Variants in FOXN1 observed in about 807,000 individuals in gnomAD.
FOXN1 encodes the protein forkhead box protein N1.
Under a neutral mutation model 49.0 loss-of-function variants are expected in FOXN1, and 15 were observed. The ratio of observed to expected loss-of-function variants is 0.31; its 90% CI spans 0.20 to 0.47. FOXN1 has a LOEUF of 0.47. Ranked by LOEUF, FOXN1 falls within the 20% of genes least tolerant of loss-of-function variation. The pLI is 1.00. For missense variants in FOXN1, 800 were observed against 842.8 expected, an observed-to-expected ratio of 0.95 and a Z score of 0.63; for synonymous variants, 356 against 369.0, an observed-to-expected ratio of 0.96 and a Z score of 0.40.
At chr17:28,529,336 A>C in intron 5 of FOXN1, 112 bp downstream of exon 5, 1 of 1,329,720 alleles carries the variant, frequency 7.5e-7, no homozygotes. Context: ...GGTGGAAATC[A>C]TACCAGTGGG....
chr17:28,519,954 C>A (rs781709827), intron 1 of FOXN1, among the ~76,000 whole-genome samples: 16 of 151,952 alleles, frequency 1.1e-4, no homozygotes, highest in Non-Finnish European at 1.9e-4. Flanking sequence ...ATAACTCAGG[C>A]CTTAAACAAA....
Position 28,537,189 on chromosome 17 carries a change from C to T in FOXN1, c.1700C>T (p.Thr567Ile), listed in dbSNP as rs368961558. ...DPLVLVTSSP[T>I]SSSMPPPQPP... The stretch of plus-strand genomic sequence containing the variant: ...CTGGTACTGGTGACCTCATCCCCGA[C>T]ATCATCTTCGATGCCACCACCCCAG... The change falls in exon 9 of 9, where the codon ACA becomes ATA. Residue 567 changes from threonine to isoleucine, a missense_variant. Coordinates refer to ENST00000579795, the MANE Select transcript of FOXN1 (RefSeq NM_001369369.1). 1.2e-6 allele frequency: 2 copies of T among 1,613,888 alleles called. No homozygotes were observed. The highest frequency in any genetic ancestry group is 1.7e-6 in the Non-Finnish European group (2 of 1,179,802).
intron 1 of FOXN1, among the ~76,000 whole-genome samples, chr17:28,519,811 G>T (rs534450293): frequency 3.9e-5 from 6 of 152,148 alleles, no homozygotes; most frequent in African/African-American, 1.2e-4. Context: ...GACCTCTGAG[G>T]CCAGAGAGTC....
rs755959486 is a variant in FOXN1 at position 28,535,000 on chromosome 17, G to T, written c.1429G>T (p.Gly477Trp). Residue 477 changes from glycine to tryptophan, a missense_variant, in exon 8 of 9, where the codon GGG becomes TGG. Around this residue, in one of 3 missense-constraint regions of FOXN1, gnomAD observed 344 missense variants for 366.1 expected, o/e 0.94. Coordinates refer to ENST00000579795, the MANE Select transcript of FOXN1 (RefSeq NM_001369369.1). The surrounding 1 kb of genome is among the most constrained non-coding windows in gnomAD (Gnocchi z 4.1). ...PPQPLFPQPDGHLELRAQPGT... is the reference protein window; with the variant it reads ...PPQPLFPQPDWHLELRAQPGT... The stretch of plus-strand genomic sequence containing the variant: ...GCAGCCATTGTTCCCACAGCCGGAC[G>T]GGCACCTTGAGCTGCGGGCCCAGCC... 6.2e-7 allele frequency: 1 copy of T among 1,613,798 alleles called. No individual in the cohort carries two copies. The highest frequency in any genetic ancestry group is 8.5e-7 in the Non-Finnish European group (1 of 1,179,946).
At position 28,537,621 on chromosome 17, in the gene FOXN1, A is replaced by T; in HGVS notation, c.*185A>T. On this transcript the variant is annotated 3_prime_UTR_variant, in exon 9 of 9. Transcript: ENST00000579795. ...GACATCACCTGGGGTGCTGCCTCTCACACATTTCTGCCACGTGGTGGCCCA... is the reference window on the plus strand; with the variant it reads ...GACATCACCTGGGGTGCTGCCTCTCTCACATTTCTGCCACGTGGTGGCCCA... 1.5e-6 allele frequency: 1 copy of T among 650,098 alleles called. No homozygotes were observed. Among genetic ancestry groups the T allele is most frequent in the Non-Finnish European group, 2.8e-6 (1 of 357,336 alleles). 40.3% of individuals were successfully genotyped at this position (650,098 alleles called of 1,614,324 possible).
chr17:28,529,193 C>T lies in FOXN1; in HGVS notation c.799C>T (p.Pro267Ser). 3 of 1,614,192 alleles carry T rather than the reference C, an allele frequency of 1.9e-6. No individual in the cohort carries two copies. The highest frequency in any genetic ancestry group is 2.5e-6 in the Non-Finnish European group (3 of 1,180,020). Residue 267 changes from proline (P) to serine (S), a missense_variant, in exon 5 of 9, where the codon CCT becomes TCT. Pro to Ser is a moderately conservative substitution (Grantham distance 74). Around this residue, in one of 3 missense-constraint regions of FOXN1, gnomAD observed 383 missense variants for 357.9 expected, o/e 1.07. Transcript: ENST00000579795. ...APQASTDGHQ[P>S]LFPKPIYSYS... ...CCAGGCCAGCACCGATGGGCACCAG[C>T]CTCTCTTCCCAAAACCCATCTATTC...
intron 8 of FOXN1, among the ~76,000 whole-genome samples, chr17:28,535,908 C>A (rs1225675565): frequency 6.6e-6 from 1 of 152,176 alleles, no homozygotes; most frequent in Non-Finnish European, 1.5e-5. Context: ...AGACTCTACC[C>A]TAGAGGAAGA....
At chr17:28,530,866 C>G in intron 6 of FOXN1, 21 bp downstream of exon 6, 2 of 1,326,228 alleles carry the variant, frequency 1.5e-6, no homozygotes, top group Non-Finnish European at 2.2e-6. Context: ...GATTCCTCCC[C>G]ATCCCATCAC....
At position 28,529,107 on chromosome 17, in the gene FOXN1, G is replaced by A. The variant is rs188424977; in HGVS notation, c.713G>A (p.Gly238Asp). The A allele has an allele frequency of 1.1e-4, 171 of 1,614,156 alleles. No homozygotes were observed. The East Asian group carries it at 3.4e-3, about 32-fold the overall frequency. ...QPPFHQYSPG[G>D]GSYPIPYLGS... The stretch of plus-strand genomic sequence containing the variant: ...TGACCTCCTCAGTACTCGCCAGGTG[G>A]TGGCAGCTACCCCATACCCTACCTG... Residue 238 changes from glycine to aspartate, a missense_variant, in exon 5 of 9, where the codon GGT becomes GAT. Around this residue, in one of 3 missense-constraint regions of FOXN1, gnomAD observed 383 missense variants for 357.9 expected, o/e 1.07. Coordinates refer to ENST00000579795, the MANE Select transcript of FOXN1 (RefSeq NM_001369369.1).
intron 5 of FOXN1, 149 bp downstream of exon 5, chr17:28,529,373 T>C (rs1417574279): frequency 2.0e-6 from 2 of 999,164 alleles, no homozygotes; most frequent in Non-Finnish European, 3.1e-6. Flanking sequence ...GAGAGAGGGT[T>C]CCTGCATGAA....
intron 1 of FOXN1, among the ~76,000 whole-genome samples, chr17:28,507,563 T>C (rs2069291017): frequency 6.6e-6 from 1 of 152,168 alleles, no homozygotes; most frequent in African/African-American, 2.4e-5. Flanking sequence ...TCCTAATCCC[T>C]GAAGGAGAAA....
chr17:28,517,053 C>G lies in FOXN1; in HGVS notation c.-14-6903C>G, dbSNP rs909179332. On this transcript the variant is annotated intron_variant, in intron 1 of 8. Transcript: ENST00000579795. ...CACGCCTCCACAGAGTACATACCTC[C>G]ACAGGATCCACACCTCCACAGGGTA... Among the ~76,000 whole-genome samples the G allele has an allele frequency of 1.5e-4, 8 of 54,726 alleles. 3 individuals carry two copies. The highest frequency in any genetic ancestry group is 3.9e-4 in the African/African-American group (8 of 20,718). 35.9% of individuals were successfully genotyped at this position (54,726 alleles called of 152,430 possible).
In FOXN1 at chr17:28,535,213, G is replaced by T; in HGVS notation, c.1627+15G>T. On this transcript the variant is annotated intron_variant, in intron 8 of 8. Transcript: ENST00000579795. Reference sequence around the variant, plus strand: ...CGACTTCCAGGGTGAGCTGGGGGTGGGAAAGGGAAGGTGGGACAGGACTGG... The same window carrying T: ...CGACTTCCAGGGTGAGCTGGGGGTGTGAAAGGGAAGGTGGGACAGGACTGG... 6.2e-7 allele frequency: 1 copy of T among 1,611,496 alleles called. No homozygotes were observed.
At chr17:28,521,676 C>T (rs557925791) in intron 1 of FOXN1, among the ~76,000 whole-genome samples, 1 of 152,376 alleles carries the variant, frequency 6.6e-6, no homozygotes, top group South Asian at 2.1e-4. Flanking sequence ...GAGCCTCCCA[C>T]CAGGCCCCCA....
chr17:28,509,842 G>T (rs2069351495), intron 1 of FOXN1, among the ~76,000 whole-genome samples: 2 of 152,238 alleles, frequency 1.3e-5, no homozygotes, highest in South Asian at 4.1e-4. Flanking sequence ...AGGCATGGCG[G>T]GCCAAGGAAG....
rs575940745 is a variant in FOXN1, at chr17:28,517,998, G to A, written c.-14-5958G>A. Reference sequence around the variant, plus strand: ...CTCCACTGGGTACACACCTCCACAGGATCCATACCTCCACAGGGTACACAC... The same window carrying A: ...CTCCACTGGGTACACACCTCCACAGAATCCATACCTCCACAGGGTACACAC... On this transcript the variant is annotated intron_variant, in intron 1 of 8. Transcript: ENST00000579795. Among the ~76,000 whole-genome samples the A allele has an allele frequency of 2.7e-5, 4 of 147,804 alleles. No homozygotes were observed. In the East Asian group the frequency reaches 8.1e-4, roughly 30 times the overall value.
Position 28,538,585 on chromosome 17 carries a change from C to T in FOXN1, c.*1149C>T, listed in dbSNP as rs945778660. 3 of 152,222 alleles carry T rather than the reference C, an allele frequency of 2.0e-5. No homozygotes were observed. Among genetic ancestry groups the T allele is most frequent in the Non-Finnish European group, 2.9e-5 (2 of 68,040 alleles). 9.4% of individuals were successfully genotyped at this position (152,222 alleles called of 1,614,324 possible). A position where few individuals can be genotyped will look rare whatever the true frequency, so the allele number is the denominator to read the frequency against. On this transcript the variant is annotated 3_prime_UTR_variant, in exon 9 of 9. Coordinates refer to ENST00000579795, the MANE Select transcript of FOXN1 (RefSeq NM_001369369.1). ...AGTTACTTCCAACTGTCTCAGGCAACCTGGGCATTCAGGAGAAAAGCCTGG... is the reference window on the plus strand; with the variant it reads ...AGTTACTTCCAACTGTCTCAGGCAATCTGGGCATTCAGGAGAAAAGCCTGG...
chr17:28,509,598 C>T (rs577791695), intron 1 of FOXN1, among the ~76,000 whole-genome samples: 1 of 152,374 alleles, frequency 6.6e-6, no homozygotes, highest in East Asian at 1.9e-4. Flanking sequence ...ACAAGATCAT[C>T]CCTGGAGCAG....
chr17:28,533,492 C>CCCA (rs1555610631), intron 6 of FOXN1, among the ~76,000 whole-genome samples: 3,580 of 151,226 alleles, frequency 0.024, 239 homozygotes, highest in African/African-American at 0.081. Context: ...AGCACCCCCC[C>CCCA]CCACTGCCTG....
Sources: gnomAD v4.1 joint callset for allele counts (sites outside exome capture counted in the v4.1 genomes callset) on GRCh38, gnomAD v4.1.1 for gene constraint, gnomAD v4.1.1 regional missense constraint, Gnocchi (gnomAD v3.1) non-coding constraint, MANE v1.5 for transcripts, NCBI Gene and HGNC (gene_info 2026-07-23, HGNC 2026-07-21) for gene names.